Variants in DDX21 observed in about 807,000 individuals in gnomAD.
The protein encoded by DDX21 is DExD-box helicase 21.
In DDX21, 18 loss-of-function variants were observed where a neutral mutation model predicts 90.0. The observed-to-expected ratio is 0.20, with a 90% CI of 0.14 to 0.30. The LOEUF is 0.30. Ranked by LOEUF, DDX21 falls within the 10% of genes least tolerant of loss-of-function variation. The pLI is 1.00. For missense variants in DDX21, 673 were observed against 944.5 expected, an observed-to-expected ratio of 0.71 and a Z score of 3.77; for synonymous variants, 294 against 318.0, an observed-to-expected ratio of 0.92 and a Z score of 0.80.
intron 3 of DDX21, among the ~76,000 whole-genome samples, 177 bp downstream of exon 3, chr10:68,962,334 C>T (rs1428826569): frequency 6.6e-6 from 1 of 152,184 alleles, no homozygotes; most frequent in Non-Finnish European, 1.5e-5. Flanking sequence ...GTTCTTCATG[C>T]TTCTTAAACA....
chr10:68,980,584 A>G (rs1843171501), intron 13 of DDX21, among the ~76,000 whole-genome samples: 1 of 152,160 alleles, frequency 6.6e-6, no homozygotes, highest in Non-Finnish European at 1.5e-5. Flanking sequence ...TTTGGGGTGA[A>G]AGGGGTGTTC....
At chr10:68,971,086 C>T (rs1387716698) in intron 8 of DDX21, among the ~76,000 whole-genome samples, 1 of 148,914 alleles carries the variant, frequency 6.7e-6, no homozygotes, top group East Asian at 2.0e-4. Context: ...ACCACCATAC[C>T]TGGCTTTTTT....
intron 1 of DDX21, chr10:68,956,694 T>G (rs1335888076): frequency 2.8e-6 from 3 of 1,054,504 alleles, no homozygotes; most frequent in East Asian, 7.7e-5. Flanking sequence ...CGTTGTTGGC[T>G]AAGACAGAAC....
intron 8 of DDX21, among the ~76,000 whole-genome samples, chr10:68,971,276 G>C (rs185119489): frequency 1.7e-4 from 26 of 151,686 alleles, no homozygotes; most frequent in Admixed American, 4.6e-4. Flanking sequence ...GGATGTACAG[G>C]TTTGTTACAT....
At chr10:68,963,244 T>C (rs935956180) in intron 3 of DDX21, 47 bp from the exon 4 acceptor site, 1 of 1,544,530 alleles carries the variant, frequency 6.5e-7, no homozygotes, top group African/African-American at 1.4e-5. Context: ...GTATGGCTAA[T>C]GTTTTAAGAA....
At chr10:68,956,523 T>C (rs1842796680) in intron 1 of DDX21, 2 of 1,415,514 alleles carry the variant, frequency 1.4e-6, no homozygotes. Context: ...AGGTCCGCCG[T>C]GCGCTGACCT....
At chr10:68,977,418 A>G in intron 11 of DDX21, 111 bp from the exon 12 acceptor site, 1 of 990,588 alleles carries the variant, frequency 1.0e-6, no homozygotes, top group Non-Finnish European at 1.5e-6. Context: ...AAAAATAAAT[A>G]TGTTACACAT....
Position 68,969,021 on chromosome 10 carries a change from C to T in DDX21, c.1136C>T (p.Pro379Leu). The T allele has an allele frequency of 6.2e-7, 1 of 1,614,006 alleles. No homozygotes were observed. Among genetic ancestry groups the T allele is most frequent in the Non-Finnish European group, 8.5e-7 (1 of 1,179,990 alleles). ...ACATTGCTTTTTTCTGCAACTTGCC[C>T]TCATTGGGTATTTAATGTTGCCAAG... ...PQTLLFSATC[P>L]HWVFNVAKKY... The change falls in exon 7 of 15, where the codon CCT becomes CTT. Residue 379 changes from proline (P) to leucine (L), a missense_variant. Coordinates refer to ENST00000354185, the MANE Select transcript of DDX21 (RefSeq NM_004728.4).
Position 68,967,157 on chromosome 10 carries a change from A to C in DDX21, c.1044A>C (p.Gly348=), listed in dbSNP as rs1219971021. 2 of 1,611,772 alleles carry C rather than the reference A, an allele frequency of 1.2e-6. No homozygotes were observed. Among genetic ancestry groups the C allele is most frequent in the African/African-American group, 1.3e-5 (1 of 74,524 alleles). Residue 348 remains glycine (G), a synonymous_variant, in exon 6 of 15, where the codon GGA becomes GGC. Transcript: ENST00000354185. ...AAGTGGACCAGATGTTGGATATGGG[A>C]TTTGCTGATCAAGTGGAAGAGATTT... is the stretch of plus-strand genomic sequence containing the variant. ...LDEVDQMLDM[G]FADQVEEILS...
chr10:68,956,253 G>A lies in DDX21; in HGVS notation c.28G>A (p.Gly10Ser), dbSNP rs760679933. The A allele has an allele frequency of 6.2e-7, 1 of 1,614,160 alleles. No homozygotes were observed. The highest frequency in any genetic ancestry group is 1.1e-5 in the South Asian group (1 of 91,086). MPGKLRSDA[G>S]LESDTAMKKG... is the part of the protein sequence containing the mutation. The stretch of plus-strand genomic sequence containing the variant: ...GCCGGGAAAACTCCGTAGTGACGCT[G>A]GTTTGGAATCAGACACCGCAATGAA... The change falls in exon 1 of 15, where the codon GGT becomes AGT. Residue 10 changes from glycine to serine, a missense_variant. Physicochemically the swap from Gly to Ser is moderately conservative, Grantham distance 56 (BLOSUM62 0). Transcript: ENST00000354185.
Position 68,959,888 on chromosome 10 carries a change from A to T in DDX21, c.170A>T (p.Gln57Leu). 6.2e-7 allele frequency: 1 copy of T among 1,601,554 alleles called. No individual in the cohort carries two copies. The highest frequency in any genetic ancestry group is 2.2e-5 in the East Asian group (1 of 44,778). The part of the protein sequence containing the change: ...EEETVFPKAK[Q>L]VKKKAEPSEV... ...GAAACTGTTTTCCCCAAAGCTAAAC[A>T]AGTTAAAAAGAAAGCAGAGCCTTCT... Residue 57 changes from glutamine to leucine, a missense_variant, in exon 2 of 15, where the codon CAA (glutamine) becomes CTA (leucine). Around this residue, in one of 4 missense-constraint regions of DDX21, gnomAD observed 204 missense variants for 221.6 expected, o/e 0.92. Transcript: ENST00000354185.
At chr10:68,970,873 G>A (rs1047941847) in intron 8 of DDX21, among the ~76,000 whole-genome samples, 1 of 150,642 alleles carries the variant, frequency 6.6e-6, no homozygotes, top group South Asian at 2.1e-4. Flanking sequence ...GGTTGGTCTC[G>A]AACTCCTGAC....
At chr10:68,974,483 T>A (rs894326667) in intron 10 of DDX21, among the ~76,000 whole-genome samples, 187 bp from the exon 11 acceptor site, 1 of 152,234 alleles carries the variant, frequency 6.6e-6, no homozygotes, top group Non-Finnish European at 1.5e-5. Flanking sequence ...GTGTAAGATG[T>A]TAATAATAGC....
At chr10:68,979,105 C>T (rs1228072429) in intron 13 of DDX21, 129 bp downstream of exon 13, 27 of 1,321,282 alleles carry the variant, frequency 2.0e-5, no homozygotes, top group Non-Finnish European at 2.8e-5. Context: ...TGGGTAATCT[C>T]ATCCGTGATC....
In DDX21 at chr10:68,977,652, G is replaced by A. The variant is rs909962085; in HGVS notation, c.1866G>A (p.Thr622=). 13 of 1,613,606 alleles carry A rather than the reference G, an allele frequency of 8.1e-6. No homozygotes were observed. Among genetic ancestry groups the A allele is most frequent in the African/African-American group, 4.0e-5 (3 of 75,048 alleles). The change falls in exon 12 of 15, where the codon ACG becomes ACA. Residue 622 remains threonine, a synonymous_variant. Transcript: ENST00000354185. Reference sequence around the variant, plus strand: ...CACTGGCCCATATTTCAGGTGCCACGTCCGTAGACCAGCGCTCCTTGATCA... The same window carrying A: ...CACTGGCCCATATTTCAGGTGCCACATCCGTAGACCAGCGCTCCTTGATCA... ...AAALAHISGA[T]SVDQRSLINS...
intron 13 of DDX21, among the ~76,000 whole-genome samples, chr10:68,981,335 T>G (rs947185425): frequency 6.6e-6 from 1 of 152,238 alleles, no homozygotes; most frequent in African/African-American, 2.4e-5. Flanking sequence ...GTTCTTTTTT[T>G]CAATGTTCCT....
Position 68,982,692 on chromosome 10 carries a change from C to G in DDX21, c.2232C>G (p.Phe744Leu), listed in dbSNP as rs1843209645. The change falls in exon 15 of 15, where the codon TTC becomes TTG. Residue 744 changes from phenylalanine to leucine, a missense_variant. Phe to Leu is a conservative substitution (Grantham distance 22, BLOSUM62 0). Around this residue, in one of 4 missense-constraint regions of DDX21, gnomAD observed 225 missense variants for 298.8 expected, o/e 0.75. Transcript: ENST00000354185. ...GACAGCGGGACGGAAACAGAAGATTCAGAGGACAGCGGGAAGGCAGTAGAG... is the reference window on the plus strand; with the variant it reads ...GACAGCGGGACGGAAACAGAAGATTGAGAGGACAGCGGGAAGGCAGTAGAG... ...FRGQRDGNRR[F>L]RGQREGSRGP... 1 of 1,613,976 alleles carries G rather than the reference C, an allele frequency of 6.2e-7. No homozygotes were observed. The highest frequency in any genetic ancestry group is 8.5e-7 in the Non-Finnish European group (1 of 1,180,004).
intron 2 of DDX21, among the ~76,000 whole-genome samples, chr10:68,961,496 CAG>C (rs1173068684): frequency 2.6e-5 from 4 of 152,132 alleles, no homozygotes; most frequent in Non-Finnish European, 4.4e-5. Context: ...TATTTTTAAT[CAG>C]ATTAGGATTG....
chr10:68,962,366 C>T (rs76725293), intron 3 of DDX21, among the ~76,000 whole-genome samples: 9,188 of 152,222 alleles, frequency 0.06, 327 homozygotes, highest in Middle Eastern at 0.11. Context: ...CTTTTTCAGG[C>T]CCTCTGTGGT....
Sources: allele counts gnomAD v4.1 joint callset (sites outside exome capture counted in the v4.1 genomes callset), GRCh38; gene constraint gnomAD v4.1.1; regional missense constraint gnomAD v4.1.1; transcripts MANE v1.5; gene names NCBI Gene and HGNC (gene_info 2026-07-23, HGNC 2026-07-21).